Variants in LSS observed in about 807,000 individuals in gnomAD.
LSS encodes lanosterol synthase, also known as 2,3-epoxysqualene-lanosterol cyclase.
LSS carries 90 observed loss-of-function variants against 110.3 expected under a neutral mutation model. The observed-to-expected ratio is 0.82, with a 90% CI of 0.69 to 0.97. LSS has a LOEUF of 0.97. Among genes scored for constraint, LSS ranks in the 50% least tolerant of loss-of-function variants. The pLI is 0.00. For missense variants in LSS, 927 were observed against 990.0 expected (o/e 0.94, Z 0.85); for synonymous variants, 433 against 400.0 (o/e 1.08, Z -0.98).
chr21:46,196,824 G>C (rs746976942), intron 17 of LSS, among the ~76,000 whole-genome samples: 25 of 152,344 alleles, frequency 1.6e-4, no homozygotes, highest in South Asian at 4.1e-4. Flanking sequence ...CGACTCCCAT[G>C]GTGCTAGCAG....
In LSS at chr21:46,194,644, A is replaced by G; in HGVS notation, c.1835T>C (p.Val612Ala). 1 of 1,612,718 alleles carries G rather than the reference A, an allele frequency of 6.2e-7. No individual in the cohort carries two copies. Among genetic ancestry groups the G allele is most frequent in the Non-Finnish European group, 8.5e-7 (1 of 1,179,902 alleles). The part of the protein sequence containing the change: ...TYRDGTACAE[V>A]SRACDFLLSR... The stretch of plus-strand genomic sequence containing the variant: ...CAGCAGGAAGTCACAGGCCCGGGAG[A>G]CCTCTGCACAGGCAGTCCTGCAAAG... Residue 612 changes from valine to alanine, a missense_variant, in exon 20 of 22, where the codon GTC becomes GCC. Val to Ala is a moderately conservative substitution (Grantham distance 64). Transcript: ENST00000397728.
At position 46,189,001 on chromosome 21, in the gene LSS, G is replaced by A. The variant is rs1263167659; in HGVS notation, c.*2103C>T. 1.5e-5 allele frequency: 5 copies of A among 341,750 alleles called. No homozygotes were observed. The highest frequency in any genetic ancestry group is 6.5e-5 in the African/African-American group (3 of 46,498). 21.2% of individuals were successfully genotyped at this position (341,750 alleles called of 1,614,324 possible). A position where few individuals can be genotyped will look rare whatever the true frequency, so the allele number is the denominator to read the frequency against. On this transcript the variant is annotated 3_prime_UTR_variant, in exon 22 of 22. Coordinates refer to ENST00000397728, the MANE Select transcript of LSS (RefSeq NM_002340.6). Reference sequence around the variant, plus strand: ...GGAGACGCACCCTGCTACTCCTCACGTCACTCTTGTTCCCTAAACCAGGCT... The same window carrying A: ...GGAGACGCACCCTGCTACTCCTCACATCACTCTTGTTCCCTAAACCAGGCT...
Position 46,215,694 on chromosome 21 carries a change from C to A in LSS, c.883G>T (p.Val295Leu). Residue 295 changes from valine to leucine, a missense_variant, in exon 8 of 22, where the codon GTG (valine) becomes TTG (leucine). Physicochemically the swap from Val to Leu is conservative, Grantham distance 32. Coordinates refer to ENST00000397728, the MANE Select transcript of LSS (RefSeq NM_002340.6). ...CTCAGGAGGCGCTCACCATATACCA[C>A]GCGGAGCAGCCAGCTGTGCGGCGTG... ...LYTPHSWLLR[V>L]VYALLNLYEH... 1 of 1,610,168 alleles carries A rather than the reference C, an allele frequency of 6.2e-7. No individual in the cohort carries two copies. Among genetic ancestry groups the A allele is most frequent in the Non-Finnish European group, 8.5e-7 (1 of 1,177,756 alleles).
intron 5 of LSS, among the ~76,000 whole-genome samples, chr21:46,221,016 ATAGGTGGACAGCCAGGGCTTG>A (rs2080272090): frequency 1.4e-5 from 2 of 139,384 alleles, no homozygotes; most frequent in African/African-American, 2.7e-5. Context: ...CGGGGCTTGG[ATAGGTGGACAGCCAGGGCTTG>A]GAGAGGTAGC....
At chr21:46,211,209 C>T (rs557518265) in intron 11 of LSS, among the ~76,000 whole-genome samples, 2 of 152,192 alleles carry the variant, frequency 1.3e-5, no homozygotes. Context: ...TCGCTGCAAG[C>T]TCCGCCTCCT....
chr21:46,228,422 G>A lies in LSS; in HGVS notation c.180+12C>T, dbSNP rs777870240. On this transcript the variant is annotated intron_variant, in intron 2 of 21. Coordinates refer to ENST00000397728, the MANE Select transcript of LSS (RefSeq NM_002340.6). ...GTCCCGAGCTCGCTGACGCTCCGCG[G>A]AAGCAACTTACGGTGTCCAGCCCCA... 1.2e-6 allele frequency: 2 copies of A among 1,600,162 alleles called. No homozygotes were observed. Among genetic ancestry groups the A allele is most frequent in the East Asian group, 4.5e-5 (2 of 44,624 alleles).
chr21:46,206,585 A>G, intron 16 of LSS, 87 bp downstream of exon 16: 1 of 1,164,442 alleles, frequency 8.6e-7, no homozygotes, highest in South Asian at 1.2e-5. Context: ...AGCCTCGGGC[A>G]AGGGGGAAAA....
intron 3 of LSS, among the ~76,000 whole-genome samples, chr21:46,226,129 C>T (rs974949802): frequency 8.3e-6 from 1 of 120,394 alleles, no homozygotes; most frequent in African/African-American, 3.6e-5. Context: ...AGAGCGAACG[C>T]TGTCTCAAAA....
At chr21:46,222,462 C>G in intron 4 of LSS, 168 bp downstream of exon 4, 1 of 601,446 alleles carries the variant, frequency 1.7e-6, no homozygotes, top group Non-Finnish European at 2.9e-6. Flanking sequence ...GCCCCACCTG[C>G]ATGGCCTTCA....
chr21:46,215,593 G>A, intron 8 of LSS, 92 bp downstream of exon 8: 1 of 890,562 alleles, frequency 1.1e-6, no homozygotes. Flanking sequence ...AGGTGGCCCA[G>A]TGCCGCTGGC....
intron 2 of LSS, 149 bp downstream of exon 2, chr21:46,228,285 G>C (rs2080381081): frequency 1.3e-6 from 1 of 789,920 alleles, no homozygotes; most frequent in African/African-American, 1.8e-5. Flanking sequence ...AAGCGGAGGG[G>C]CCCGCGAACG....
chr21:46,213,826 T>A lies in LSS; in HGVS notation c.1021A>T (p.Thr341Ser). The change falls in exon 10 of 22, where the codon ACC becomes TCC. Residue 341 changes from threonine (T) to serine (S), a missense_variant. By Grantham distance (58) the Thr-to-Ser change is moderately conservative (BLOSUM62 1). Coordinates refer to ENST00000397728, the MANE Select transcript of LSS (RefSeq NM_002340.6). The stretch of plus-strand genomic sequence containing the variant: ...TACCAGCGCACAAGCATGTTGATGG[T>A]TTTCGAGATCTGCAGGAGAGACAGC... ...KSISIGPISKTINMLVRWYVD... is the reference protein window; with the variant it reads ...KSISIGPISKSINMLVRWYVD... 1 of 1,613,212 alleles carries A rather than the reference T, an allele frequency of 6.2e-7. No homozygotes were observed. Among genetic ancestry groups the A allele is most frequent in the Non-Finnish European group, 8.5e-7 (1 of 1,179,558 alleles).
chr21:46,222,114 A>C (rs1601448643), intron 4 of LSS, 139 bp from the exon 5 acceptor site: 10 of 859,002 alleles, frequency 1.2e-5, no homozygotes, highest in East Asian at 2.7e-5. Context: ...AACACAGGAG[A>C]CCCCTGAGCA....
At chr21:46,214,498 T>C (rs1192524585) in intron 9 of LSS, among the ~76,000 whole-genome samples, 1 of 152,074 alleles carries the variant, frequency 6.6e-6, no homozygotes, top group Non-Finnish European at 1.5e-5. Context: ...AGTGTCAGGG[T>C]GGGACTCAGT....
intron 3 of LSS, 63 bp downstream of exon 3, chr21:46,227,489 G>A: frequency 6.3e-7 from 1 of 1,586,828 alleles, no homozygotes; most frequent in East Asian, 2.3e-5. Flanking sequence ...GACCAGGCTG[G>A]GCCAGGATCC....
Position 46,209,742 on chromosome 21 carries a change from A to C in LSS, c.1195-117T>G. The C allele has an allele frequency of 1.3e-6, 1 of 797,804 alleles. No homozygotes were observed. Among genetic ancestry groups the C allele is most frequent in the Admixed American group, 2.3e-5 (1 of 44,324 alleles). The allele number at this position is 797,804 out of a possible 1,614,324, so 49.4% of individuals were successfully genotyped here. On this transcript the variant is annotated intron_variant, in intron 12 of 21. Coordinates refer to ENST00000397728, the MANE Select transcript of LSS (RefSeq NM_002340.6). This position sits in a 1 kb window ranked among gnomAD's most constrained non-coding sequence, Gnocchi z 4.4. Reference sequence around the variant, plus strand: ...CCCAACCGGGGACCAGAATCAAACCAGCAGACATCTCCAGAGAGTGCCAGG... The same window carrying C: ...CCCAACCGGGGACCAGAATCAAACCCGCAGACATCTCCAGAGAGTGCCAGG...
intron 5 of LSS, 176 bp downstream of exon 5, chr21:46,221,678 A>G (rs1356843535): frequency 4.4e-6 from 4 of 919,348 alleles, no homozygotes; most frequent in Non-Finnish European, 6.4e-6. Flanking sequence ...TTGCTTTTTT[A>G]AAAAATGATG....
intron 11 of LSS, among the ~76,000 whole-genome samples, chr21:46,212,747 C>T (rs978762025): frequency 6.6e-6 from 1 of 152,232 alleles, no homozygotes; most frequent in Non-Finnish European, 1.5e-5. Context: ...AGAGCTTCTG[C>T]AGCTCTGGGT....
chr21:46,221,231 G>T (rs1244694129), intron 5 of LSS, among the ~76,000 whole-genome samples: 1 of 152,134 alleles, frequency 6.6e-6, no homozygotes, highest in African/African-American at 2.4e-5. Flanking sequence ...AGCTTGGAAG[G>T]TGCAAGCTCC....
Sources: gnomAD v4.1 joint callset for allele counts (sites outside exome capture counted in the v4.1 genomes callset) on GRCh38, gnomAD v4.1.1 for gene constraint, Gnocchi (gnomAD v3.1) non-coding constraint, MANE v1.5 for transcripts, NCBI Gene and HGNC (gene_info 2026-07-23, HGNC 2026-07-21) for gene names.